The following RELL1 variants were observed in gnomAD, a reference collection of about 807,000 sequenced individuals.
RELL1 encodes the protein RELT like 1, also known as RELT-like protein 1.
RELL1 carries 10 observed loss-of-function variants against 23.0 expected under a neutral mutation model. The ratio of observed to expected loss-of-function variants is 0.43; its 90% CI spans 0.27 to 0.74. RELL1 has a LOEUF of 0.74. RELL1 is among the 30% of genes least tolerant of loss of function. The pLI, the probability that RELL1 is intolerant of heterozygous loss-of-function variation, is 0.19. For synonymous variants in RELL1, 146 were observed against 146.8 expected (o/e 0.99, Z 0.04); for missense variants, 315 against 364.4 (o/e 0.86, Z 1.10).
At chr4:37,589,203 C>T (rs1023387587), downstream of RELL1, among the ~76,000 whole-genome samples, 8 of 152,208 alleles carry the variant, frequency 5.3e-5, no homozygotes, top group Non-Finnish European at 4.4e-5. Flanking sequence ...ACCCCAATCA[C>T]ATATGTGCTT....
At chr4:37,607,186 T>G (rs1719249540), downstream of RELL1, among the ~76,000 whole-genome samples, 1 of 152,184 alleles carries the variant, frequency 6.6e-6, no homozygotes, top group African/African-American at 2.4e-5. Flanking sequence ...ATCCAACAAC[T>G]AAATGCAGTG....
intron 6 of RELL1, among the ~76,000 whole-genome samples, chr4:37,599,958 A>G (rs1420941845): frequency 6.6e-6 from 1 of 152,200 alleles, no homozygotes; most frequent in Non-Finnish European, 1.5e-5. Flanking sequence ...ACCCAGCACA[A>G]AGTAAACAAT....
At chr4:37,596,740 T>TTATATATATA (rs1718872172) in intron 6 of RELL1, among the ~76,000 whole-genome samples, 1 of 28,158 alleles carries the variant, frequency 3.6e-5, no homozygotes, top group Non-Finnish European at 6.3e-5. Context: ...ATATATATTT[T>TTATATATATA]TTTTTTTTTT....
chr4:37,590,247 TGA>T (rs1560315146), downstream of RELL1: 1 of 1,614,028 alleles, frequency 6.2e-7, no homozygotes, highest in Non-Finnish European at 8.5e-7. Flanking sequence ...CAAAGAAGAC[TGA>T]GAGCAGCAGC....
chr4:37,676,380 A>T (rs1217304884), intron 1 of RELL1, among the ~76,000 whole-genome samples: 1 of 152,232 alleles, frequency 6.6e-6, no homozygotes, highest in African/African-American at 2.4e-5. Flanking sequence ...TTTGAATAGT[A>T]TAAAGTACTA....
intron 6 of RELL1, among the ~76,000 whole-genome samples, chr4:37,596,736 ATTTTTTTT>A (rs1178565372): frequency 1.5e-3 from 24 of 16,502 alleles, no homozygotes; most frequent in African/African-American, 2.8e-3. Flanking sequence ...ATATATATAT[ATTTTTTTT>A]TTTTTTTTTT....
At chr4:37,684,823 C>T (rs1207930469) in intron 1 of RELL1, among the ~76,000 whole-genome samples, 1 of 152,154 alleles carries the variant, frequency 6.6e-6, no homozygotes, top group Non-Finnish European at 1.5e-5. Context: ...CATGGTGGCA[C>T]ATGCCTGTAA....
intron 6 of RELL1, among the ~76,000 whole-genome samples, chr4:37,620,508 AT>A (rs1335306002): frequency 6.6e-6 from 1 of 152,258 alleles, no homozygotes; most frequent in African/African-American, 2.4e-5. Context: ...ACTGGAAATT[AT>A]TTAAATGCAA....
intron 1 of RELL1, among the ~76,000 whole-genome samples, chr4:37,672,207 A>G (rs1721858611): frequency 6.6e-6 from 1 of 152,114 alleles, no homozygotes; most frequent in African/African-American, 2.4e-5. Flanking sequence ...ATTGCAGCTA[A>G]AAGTTCTAAC....
downstream of RELL1, among the ~76,000 whole-genome samples, chr4:37,586,368 T>A (rs1436157552): frequency 6.6e-6 from 1 of 152,198 alleles, no homozygotes; most frequent in Non-Finnish European, 1.5e-5. Flanking sequence ...CCACATTTAT[T>A]GACTGCCTGC....
chr4:37,630,753 A>G (rs1720102858), intron 6 of RELL1, among the ~76,000 whole-genome samples: 1 of 151,980 alleles, frequency 6.6e-6, no homozygotes, highest in Non-Finnish European at 1.5e-5. Flanking sequence ...TGGCTTTTCA[A>G]TTGCCTCAAA....
chr4:37,622,840 T>C (rs1313107598), intron 6 of RELL1: 3 of 450,652 alleles, frequency 6.7e-6, no homozygotes, highest in Non-Finnish European at 1.3e-5. Flanking sequence ...GTCTTGCTGT[T>C]GTCACCCCGG....
At position 37,611,006 on chromosome 4, in the gene RELL1, C is replaced by A. The variant is rs1414197915; in HGVS notation, c.*2340G>T. On this transcript the variant is annotated 3_prime_UTR_variant, in exon 7 of 7. Coordinates refer to ENST00000454158, the MANE Select transcript of RELL1 (RefSeq NM_001085400.2). ...AATTTGGAAGCCTGCCAGACAAAAA[C>A]CGCTCAAGTATTTATTAGAAAATAT... Among the ~76,000 whole-genome samples, 2 of 152,262 alleles carry A rather than the reference C, an allele frequency of 1.3e-5. No homozygotes were observed. The highest frequency in any genetic ancestry group is 3.9e-4 in the East Asian group (2 of 5,194).
chr4:37,612,055 T>C lies in RELL1; in HGVS notation c.*1291A>G, dbSNP rs1414273366. On this transcript the variant is annotated 3_prime_UTR_variant, in exon 7 of 7. Transcript: ENST00000454158. ...AGCCAAGCGTGGTGGTGGGCACCTG[T>C]AGTCCCAGCTACTCAGGAGGCTGAG... 1.3e-5 allele frequency among the ~76,000 whole-genome samples: 2 copies of C among 151,678 alleles called. No homozygotes were observed. The highest frequency in any genetic ancestry group is 4.8e-5 in the African/African-American group (2 of 41,276).
chr4:37,613,605 T>C (rs1219614261), intron 6 of RELL1, among the ~76,000 whole-genome samples: 2 of 152,182 alleles, frequency 1.3e-5, no homozygotes, highest in Non-Finnish European at 2.9e-5. Context: ...TTTCTCTCTC[T>C]TGCTCCTGCT....
Position 37,610,637 on chromosome 4 carries a change from G to A in RELL1, c.*2709C>T, listed in dbSNP as rs770760504. Among the ~76,000 whole-genome samples, 3 of 152,180 alleles carry A rather than the reference G, an allele frequency of 2.0e-5. No individual in the cohort carries two copies. The highest frequency in any genetic ancestry group is 4.4e-5 in the Non-Finnish European group (3 of 68,036). ...GATCACCCACAAGACAACACACTGC[G>A]TTTAACATTTTTATTTTTAACTCCG... On this transcript the variant is annotated 3_prime_UTR_variant, in exon 7 of 7. Coordinates refer to ENST00000454158, the MANE Select transcript of RELL1 (RefSeq NM_001085400.2). This position sits in a 1 kb window ranked among gnomAD's most constrained non-coding sequence, Gnocchi z 4.1.
intron 6 of RELL1, among the ~76,000 whole-genome samples, chr4:37,594,614 T>C (rs1446788461): frequency 1.3e-5 from 2 of 152,330 alleles, no homozygotes; most frequent in East Asian, 3.9e-4. Context: ...TTTCCCCTCA[T>C]TGCCAAAGCA....
At chr4:37,590,233 G>A (rs748121973), downstream of RELL1, 2 of 1,614,212 alleles carry the variant, frequency 1.2e-6, no homozygotes, top group Non-Finnish European at 1.7e-6. Context: ...TCAGAGGCAG[G>A]GCTCAAAGAA....
chr4:37,663,730 CTCTTA>C (rs1206302207), intron 1 of RELL1, among the ~76,000 whole-genome samples: 1 of 152,204 alleles, frequency 6.6e-6, no homozygotes, highest in Non-Finnish European at 1.5e-5. Context: ...GGGGCCCACA[CTCTTA>C]GCCATGTTGC....
Sources: gnomAD v4.1 joint callset for allele counts (sites outside exome capture counted in the v4.1 genomes callset) on GRCh38, gnomAD v4.1.1 for gene constraint, Gnocchi (gnomAD v3.1) non-coding constraint, MANE v1.5 for transcripts, NCBI Gene and HGNC (gene_info 2026-07-23, HGNC 2026-07-21) for gene names.